The following CYRIA variants were observed in gnomAD, a reference collection of about 807,000 sequenced individuals.
CYRIA encodes CYFIP-related Rac1 interactor A.
A neutral mutation model predicts 43.9 loss-of-function variants in CYRIA; 15 were observed. The observed-to-expected ratio is 0.34, with a 90% CI of 0.23 to 0.53. CYRIA has a LOEUF of 0.53. CYRIA is among the 20% of genes least tolerant of loss of function. The pLI is 0.94. For missense variants in CYRIA, 236 were observed against 394.2 expected, an observed-to-expected ratio of 0.60 and a Z score of 3.40; for synonymous variants, 117 against 136.0, an observed-to-expected ratio of 0.86 and a Z score of 0.97.
intron 2 of CYRIA, among the ~76,000 whole-genome samples, chr2:16,610,757 G>T (rs933945110): frequency 6.6e-6 from 1 of 151,816 alleles, no homozygotes; most frequent in African/African-American, 2.4e-5. Context: ...TGGCAAAACT[G>T]TATAGGCTCT....
intron 2 of CYRIA, among the ~76,000 whole-genome samples, chr2:16,615,276 G>A (rs1187575216): frequency 2.0e-5 from 3 of 152,166 alleles, no homozygotes; most frequent in Non-Finnish European, 4.4e-5. Flanking sequence ...AAGATCTGAA[G>A]TCCCAGTGTC....
chr2:16,571,535 T>C (rs1375286239), intron 3 of CYRIA, among the ~76,000 whole-genome samples: 3 of 152,230 alleles, frequency 2.0e-5, no homozygotes, highest in South Asian at 4.1e-4. Flanking sequence ...ACCAGTAACA[T>C]ATACACATTT....
intron 11 of CYRIA, among the ~76,000 whole-genome samples, chr2:16,553,492 G>A (rs769861099): frequency 7.2e-5 from 11 of 152,082 alleles, no homozygotes; most frequent in African/African-American, 2.2e-4. Flanking sequence ...CCCAATAGCC[G>A]GGTGTAGAAA....
rs1441592843 is a variant in CYRIA at position 16,550,115 on chromosome 2, G to T, written c.*2821C>A. 1 of 150,530 alleles carries T rather than the reference G, an allele frequency of 6.6e-6. No individual in the cohort carries two copies. The highest frequency in any genetic ancestry group is 1.5e-5 in the Non-Finnish European group (1 of 67,814). 9.3% of individuals were successfully genotyped at this position (150,530 alleles called of 1,614,324 possible). On this transcript the variant is annotated 3_prime_UTR_variant, in exon 12 of 12. Transcript: ENST00000381323. Reference sequence around the variant, plus strand: ...TGAGAAACATAATTTTTACCTCGTTGCTTTCCCAAAAATAAATATCTCAGT... The same window carrying T: ...TGAGAAACATAATTTTTACCTCGTTTCTTTCCCAAAAATAAATATCTCAGT...
At chr2:16,580,828 C>A (rs1667525784) in intron 3 of CYRIA, among the ~76,000 whole-genome samples, 1 of 152,130 alleles carries the variant, frequency 6.6e-6, no homozygotes, top group Non-Finnish European at 1.5e-5. Flanking sequence ...GCCCATATCA[C>A]ACATATTACA....
chr2:16,619,395 A>G (rs1381978256), intron 2 of CYRIA, among the ~76,000 whole-genome samples: 3 of 152,180 alleles, frequency 2.0e-5, no homozygotes, highest in Non-Finnish European at 4.4e-5. Context: ...ATATATATAT[A>G]TACACACACA....
At chr2:16,619,062 T>C (rs1424010551) in intron 2 of CYRIA, among the ~76,000 whole-genome samples, 1 of 152,172 alleles carries the variant, frequency 6.6e-6, no homozygotes, top group East Asian at 1.9e-4. Context: ...CTCCCTGAGC[T>C]TCAGTCTCAT....
chr2:16,642,150 T>C (rs1279470123), intron 1 of CYRIA, among the ~76,000 whole-genome samples: 2 of 152,158 alleles, frequency 1.3e-5, no homozygotes, highest in African/African-American at 2.4e-5. Flanking sequence ...ATCTCTATTT[T>C]GATAAATACC....
chr2:16,554,980 G>A (rs757618388), intron 11 of CYRIA, 89 bp downstream of exon 11: 2 of 940,310 alleles, frequency 2.1e-6, no homozygotes, highest in Non-Finnish European at 3.3e-6. Flanking sequence ...CAAGGGTTAA[G>A]TTTGGTGCTA....
intron 2 of CYRIA, among the ~76,000 whole-genome samples, chr2:16,591,900 T>TCA (rs1328742496): frequency 6.6e-6 from 1 of 151,756 alleles, no homozygotes; most frequent in Non-Finnish European, 1.5e-5. Flanking sequence ...ATGCACACAC[T>TCA]CACACACACA....
At chr2:16,615,939 C>T (rs1220930854) in intron 2 of CYRIA, among the ~76,000 whole-genome samples, 5 of 152,212 alleles carry the variant, frequency 3.3e-5, no homozygotes, top group Admixed American at 6.5e-5. Context: ...GGCATGGCGA[C>T]GCCTGGGACC....
intron 1 of CYRIA, among the ~76,000 whole-genome samples, chr2:16,645,790 A>G (rs930308282): frequency 1.3e-5 from 2 of 152,240 alleles, no homozygotes; most frequent in Non-Finnish European, 2.9e-5. Context: ...CTAATGATGG[A>G]TGATTATTCA....
At chr2:16,643,098 T>C (rs538406225) in intron 1 of CYRIA, among the ~76,000 whole-genome samples, 1 of 151,534 alleles carries the variant, frequency 6.6e-6, no homozygotes, top group South Asian at 2.1e-4. Context: ...ATTACCATAA[T>C]AAAATATTAT....
chr2:16,631,427 A>C (rs1448059024), intron 1 of CYRIA, among the ~76,000 whole-genome samples: 6 of 152,258 alleles, frequency 3.9e-5, no homozygotes, highest in Non-Finnish European at 7.3e-5. Context: ...GGCTGTTGTC[A>C]GGCTGTGGAG....
At chr2:16,575,037 C>A (rs1421820017) in intron 3 of CYRIA, among the ~76,000 whole-genome samples, 2 of 152,128 alleles carry the variant, frequency 1.3e-5, no homozygotes, top group Non-Finnish European at 2.9e-5. Flanking sequence ...GGGTGCTATA[C>A]CCTGCAAAGC....
At chr2:16,646,314 C>T (rs1349509898) in intron 1 of CYRIA, among the ~76,000 whole-genome samples, 3 of 152,230 alleles carry the variant, frequency 2.0e-5, no homozygotes, top group Non-Finnish European at 4.4e-5. Flanking sequence ...ACAAATATGA[C>T]CATTTTCCAT....
At chr2:16,657,067 C>G (rs1670135642) in intron 1 of CYRIA, among the ~76,000 whole-genome samples, 1 of 152,220 alleles carries the variant, frequency 6.6e-6, no homozygotes, top group African/African-American at 2.4e-5. Flanking sequence ...CCACTCTCCT[C>G]CTCTTTTGAC....
At chr2:16,646,825 G>C (rs551712580) in intron 1 of CYRIA, among the ~76,000 whole-genome samples, 39 of 126,136 alleles carry the variant, frequency 3.1e-4, no homozygotes, top group African/African-American at 7.4e-4. Flanking sequence ...TGAATTAAAG[G>C]GGGGGGATTT....
chr2:16,550,431 G>A lies in CYRIA; in HGVS notation c.*2505C>T, dbSNP rs1458420576. 6.6e-6 allele frequency: 1 copy of A among 152,078 alleles called. No homozygotes were observed. The highest frequency in any genetic ancestry group is 1.9e-4 in the East Asian group (1 of 5,182). 9.4% of individuals were successfully genotyped at this position (152,078 alleles called of 1,614,324 possible). On this transcript the variant is annotated 3_prime_UTR_variant, in exon 12 of 12. Coordinates refer to ENST00000381323, the MANE Select transcript of CYRIA (RefSeq NM_030797.4). ...GGAGTGGGCACAAAGCCCATCACCT[G>A]TTAGTGATCACAGACATTCAGTTAA...
Sources: gnomAD v4.1 joint callset for allele counts (sites outside exome capture counted in the v4.1 genomes callset) on GRCh38, gnomAD v4.1.1 for gene constraint, MANE v1.5 for transcripts, NCBI Gene and HGNC (gene_info 2026-07-23, HGNC 2026-07-21) for gene names.